ASH1L: variants seen among roughly 807,000 people sequenced by gnomAD.
The protein encoded by ASH1L is ASH1 like histone lysine methyltransferase.
A neutral mutation model predicts 269.0 loss-of-function variants in ASH1L; 23 were observed. The observed-to-expected ratio is 0.09, with a 90% confidence interval of 0.06 to 0.12. The LOEUF is 0.12. ASH1L is among the 10% of genes least tolerant of loss of function. The pLI is 1.00. For synonymous variants in ASH1L, 1,187 were observed against 1,253.5 expected, an observed-to-expected ratio of 0.95 and a Z score of 1.12; for missense variants, 2,912 against 3,567.8, an observed-to-expected ratio of 0.82 and a Z score of 4.68.
chr1:155,370,584 C>A lies in ASH1L; in HGVS notation c.6606G>T (p.Met2202Ile). Residue 2202 changes from methionine to isoleucine, a missense_variant, in exon 12 of 28, where the codon ATG becomes ATT. Around this residue, in one of 13 missense-constraint regions of ASH1L, gnomAD observed 193 missense variants for 311.6 expected, o/e 0.62. Coordinates refer to ENST00000392403, the MANE Select transcript of ASH1L (RefSeq NM_018489.3). ...TTCCCATGCGGTAACTGTCAATCAC[C>A]ATCCCACTATCCAGGTTCAGGCAGT... ...DHYCLNLDSG[M>I]VIDSYRMGNE... 1 of 1,614,158 alleles carries A rather than the reference C, an allele frequency of 6.2e-7. No homozygotes were observed. Among genetic ancestry groups the A allele is most frequent in the Non-Finnish European group, 8.5e-7 (1 of 1,180,040 alleles).
intron 6 of ASH1L, among the ~76,000 whole-genome samples, chr1:155,406,686 G>A (rs1230038407): frequency 6.6e-6 from 1 of 152,122 alleles, no homozygotes; most frequent in Non-Finnish European, 1.5e-5. Context: ...GGGCCTTAGA[G>A]TGAGACCCTG....
intron 2 of ASH1L, among the ~76,000 whole-genome samples, chr1:155,498,202 G>A (rs1667281423): frequency 6.6e-6 from 1 of 152,056 alleles, no homozygotes; most frequent in Non-Finnish European, 1.5e-5. Flanking sequence ...ACAGAAAACA[G>A]AATAGTGGTT....
In ASH1L at chr1:155,337,610, T is replaced by G; in HGVS notation, c.*50A>C. ...ATACCCAGAGAGCAGGAGGCAGGAC[T>G]GATTAGCTCCACTGGATCCCAGATG... On this transcript the variant is annotated 3_prime_UTR_variant, in exon 28 of 28. Transcript: ENST00000392403. 6.6e-7 allele frequency: 1 copy of G among 1,510,588 alleles called. No individual in the cohort carries two copies. The highest frequency in any genetic ancestry group is 9.2e-7 in the Non-Finnish European group (1 of 1,086,626). 93.6% of individuals were successfully genotyped at this position (1,510,588 alleles called of 1,614,324 possible).
chr1:155,371,503 G>A (rs1044785551), intron 10 of ASH1L, among the ~76,000 whole-genome samples: 6 of 152,068 alleles, frequency 3.9e-5, no homozygotes, highest in Non-Finnish European at 5.9e-5. Flanking sequence ...AGCAGAGATC[G>A]CACCACTGCG....
chr1:155,346,176 C>T, intron 21 of ASH1L: 1 of 1,472,970 alleles, frequency 6.8e-7, no homozygotes, highest in Non-Finnish European at 9.1e-7. Context: ...CCACAGATTT[C>T]TAAGTATTTT....
intron 3 of ASH1L, among the ~76,000 whole-genome samples, chr1:155,464,053 G>C (rs190102159): frequency 6.6e-6 from 1 of 152,126 alleles, no homozygotes; most frequent in East Asian, 1.9e-4. Context: ...ACCAGAAGAC[G>C]TCTGGCTTTC....
Position 155,378,404 on chromosome 1 carries a change from A to G in ASH1L, c.6224-15T>C. On this transcript the variant is annotated splice_polypyrimidine_tract_variant and intron_variant, in intron 9 of 27. Coordinates refer to ENST00000392403, the MANE Select transcript of ASH1L (RefSeq NM_018489.3). ...AACGTAGACATCTTGAAAAGAAAGC[A>G]AAGAATAGTTTGTGAACATACAGGA... is the stretch of plus-strand genomic sequence containing the variant. 1.9e-6 allele frequency: 3 copies of G among 1,612,714 alleles called. No individual in the cohort carries two copies. Among genetic ancestry groups the G allele is most frequent in the Non-Finnish European group, 1.7e-6 (2 of 1,178,668 alleles).
At chr1:155,462,858 T>C (rs1664406823) in intron 3 of ASH1L, among the ~76,000 whole-genome samples, 1 of 152,234 alleles carries the variant, frequency 6.6e-6, no homozygotes, top group South Asian at 2.1e-4. Context: ...TCTCTATCGC[T>C]TGGTAATCAT....
At chr1:155,354,043 C>G (rs972871167) in intron 16 of ASH1L, among the ~76,000 whole-genome samples, 1 of 152,202 alleles carries the variant, frequency 6.6e-6, no homozygotes, top group Admixed American at 6.5e-5. Context: ...TTATTACTGA[C>G]TGATGTGTAC....
chr1:155,423,389 G>A (rs181683438), intron 5 of ASH1L, among the ~76,000 whole-genome samples: 2 of 151,906 alleles, frequency 1.3e-5, no homozygotes, highest in Non-Finnish European at 2.9e-5. Flanking sequence ...GACCATCCTG[G>A]CCAACATGGT....
At chr1:155,422,900 C>T (rs1044822018) in intron 5 of ASH1L, among the ~76,000 whole-genome samples, 2 of 151,432 alleles carry the variant, frequency 1.3e-5, no homozygotes, top group Non-Finnish European at 2.9e-5. Flanking sequence ...TCGCCTGCCT[C>T]GGCCTCCCAA....
At chr1:155,485,695 T>C (rs1339654871) in intron 2 of ASH1L, among the ~76,000 whole-genome samples, 2 of 152,182 alleles carry the variant, frequency 1.3e-5, no homozygotes, top group Admixed American at 1.3e-4. Context: ...ATTAAAAATA[T>C]ATGAAGTCTA....
At chr1:155,521,010 C>G (rs1400982385) in intron 2 of ASH1L, 90 bp downstream of exon 2, 9 of 1,345,558 alleles carry the variant, frequency 6.7e-6, no homozygotes, top group Non-Finnish European at 9.1e-6. Context: ...AGATTAAAAT[C>G]AAACTCCCGG....
At chr1:155,445,006 C>A (rs1662900460) in intron 4 of ASH1L, among the ~76,000 whole-genome samples, 1 of 151,948 alleles carries the variant, frequency 6.6e-6, no homozygotes. Context: ...TTTTCCTATT[C>A]TTCTAAAAGT....
At position 155,503,011 on chromosome 1, in the gene ASH1L, G is replaced by T. The variant is rs59948747; in HGVS notation, c.420+18089C>A. Among the ~76,000 whole-genome samples, 721 of 152,240 alleles carry T rather than the reference G, an allele frequency of 4.7e-3. 5 individuals are homozygous for T. Among genetic ancestry groups the T allele is most frequent in the African/African-American group, 0.016 (678 of 41,546 alleles). The stretch of plus-strand genomic sequence containing the variant: ...GAAAGAAAGGTTACCAAGCTCCCCT[G>T]CCTTGGCTTATAATTTTCAGCATCT... On this transcript the variant is annotated intron_variant, in intron 2 of 27. Transcript: ENST00000392403.
At chr1:155,354,054 A>AT (rs1205979695) in intron 16 of ASH1L, among the ~76,000 whole-genome samples, 1 of 152,262 alleles carries the variant, frequency 6.6e-6, no homozygotes, top group Non-Finnish European at 1.5e-5. Flanking sequence ...TGATGTGTAC[A>AT]TATTTGGATC....
At chr1:155,507,149 G>A (rs1282221666) in intron 2 of ASH1L, among the ~76,000 whole-genome samples, 2 of 151,960 alleles carry the variant, frequency 1.3e-5, no homozygotes, top group Non-Finnish European at 2.9e-5. Flanking sequence ...ACATGGTGGT[G>A]CGTGCCTGCA....
At chr1:155,532,198 GTCTGGTCCAAAT>G (rs1344754769) in intron 1 of ASH1L, among the ~76,000 whole-genome samples, 1 of 152,158 alleles carries the variant, frequency 6.6e-6, no homozygotes, top group Non-Finnish European at 1.5e-5. Flanking sequence ...ATGTGGGACA[GTCTGGTCCAAAT>G]TCAAAGGAAA....
At chr1:155,497,608 T>C (rs1667235213) in intron 2 of ASH1L, among the ~76,000 whole-genome samples, 1 of 152,220 alleles carries the variant, frequency 6.6e-6, no homozygotes, top group East Asian at 1.9e-4. Context: ...AACAGTAGAC[T>C]ATTAGCAGTT....
Sources: gnomAD v4.1 joint callset for allele counts (sites outside exome capture counted in the v4.1 genomes callset) on GRCh38, gnomAD v4.1.1 for gene constraint, gnomAD v4.1.1 regional missense constraint, MANE v1.5 for transcripts, NCBI Gene and HGNC (gene_info 2026-07-23, HGNC 2026-07-21) for gene names.